PBRM1: variants seen among roughly 807,000 people sequenced by gnomAD.
PBRM1 encodes polybromo 1.
In PBRM1, 27 loss-of-function variants were observed where a neutral mutation model predicts 194.5. That is an observed-to-expected ratio of 0.14 (90% confidence interval 0.10 to 0.19). The LOEUF (loss-of-function observed/expected upper bound fraction) is 0.19. PBRM1 is among the 10% of genes least tolerant of loss of function. PBRM1 has a pLI of 1.00. For synonymous variants in PBRM1, 655 were observed against 693.2 expected, an observed-to-expected ratio of 0.94 and a Z score of 0.87; for missense variants, 1,466 against 2,077.2, an observed-to-expected ratio of 0.71 and a Z score of 5.72.
rs186889552 is a variant in PBRM1, at chr3:52,662,122, T to C, written c.528+11A>G. On this transcript the variant is annotated intron_variant, in intron 4 of 29. Transcript: ENST00000296302. ...GAGCCCATCCATCACAAGTTCCAGC[T>C]ACACACTTACTCCTTCAGTCACTGT... 1,962 of 1,612,840 alleles carry C rather than the reference T, an allele frequency of 1.2e-3. 3 individuals are homozygous for C. Among genetic ancestry groups the C allele is most frequent in the Non-Finnish European group, 1.5e-3 (1,809 of 1,179,586 alleles).
chr3:52,553,656 A>AT (rs1463480873), intron 27 of PBRM1, among the ~76,000 whole-genome samples: 7 of 126,006 alleles, frequency 5.6e-5, no homozygotes, highest in Non-Finnish European at 1.2e-4. Flanking sequence ...CACCTGGCTA[A>AT]TTTTTCCTTT....
At position 52,609,270 on chromosome 3, in the gene PBRM1, A is replaced by C; in HGVS notation, c.2567+43T>G. The C allele has an allele frequency of 6.8e-7, 1 of 1,467,322 alleles. No individual in the cohort carries two copies. Among genetic ancestry groups the C allele is most frequent in the East Asian group, 2.3e-5 (1 of 44,048 alleles). The allele number at this position is 1,467,322 out of a possible 1,614,324, so 90.9% of individuals were successfully genotyped here. The stretch of plus-strand genomic sequence containing the variant: ...ATATTCTTTCATCTGTTTTGTATTA[A>C]ATAGCACATATCCTCAAAATAAAAA... On this transcript the variant is annotated intron_variant, in intron 16 of 29. Coordinates refer to ENST00000296302, the Ensembl canonical transcript of PBRM1. This position sits in a 1 kb window ranked among gnomAD's most constrained non-coding sequence, Gnocchi z 4.1.
intron 17 of PBRM1, among the ~76,000 whole-genome samples, chr3:52,598,684 A>T (rs1471432087): frequency 6.6e-6 from 1 of 152,076 alleles, no homozygotes; most frequent in Non-Finnish European, 1.5e-5. Context: ...AGGAGTTTGA[A>T]ACCAGCCTGG....
intron 16 of PBRM1, among the ~76,000 whole-genome samples, chr3:52,608,366 T>A (rs956994583): frequency 6.6e-6 from 1 of 152,240 alleles, no homozygotes; most frequent in African/African-American, 2.4e-5. Context: ...TTATCTAGAA[T>A]GGCTATCATA....
intron 4 of PBRM1, among the ~76,000 whole-genome samples, chr3:52,661,609 C>T (rs1275299352): frequency 6.6e-6 from 1 of 152,052 alleles, no homozygotes; most frequent in East Asian, 1.9e-4. Flanking sequence ...CAGTAGACAC[C>T]ATTTTAGATG....
At chr3:52,591,681 G>C (rs1288350816) in intron 17 of PBRM1, among the ~76,000 whole-genome samples, 2 of 150,926 alleles carry the variant, frequency 1.3e-5, no homozygotes, top group Non-Finnish European at 3.0e-5. Context: ...CACCATGCCC[G>C]GCTAATTTTT....
chr3:52,588,949 A>G (rs2092741157), intron 18 of PBRM1, 121 bp downstream of exon 20: 1 of 689,458 alleles, frequency 1.5e-6, no homozygotes, highest in Non-Finnish European at 2.6e-6. Flanking sequence ...TTATTGACAT[A>G]TTGAACAATT....
chr3:52,579,589 C>T (rs957883776), intron 20 of PBRM1, among the ~76,000 whole-genome samples: 1 of 151,652 alleles, frequency 6.6e-6, no homozygotes, highest in Non-Finnish European at 1.5e-5. Flanking sequence ...CAGAGCAAGA[C>T]CCTGTCTCAA....
At chr3:52,597,811 C>A (rs921333856) in intron 17 of PBRM1, among the ~76,000 whole-genome samples, 1 of 152,054 alleles carries the variant, frequency 6.6e-6, no homozygotes, top group Non-Finnish European at 1.5e-5. Flanking sequence ...TCAAGCAATT[C>A]TCTTGCCTCA....
intron 17 of PBRM1, among the ~76,000 whole-genome samples, chr3:52,591,746 C>T (rs1265632878): frequency 6.8e-6 from 1 of 147,632 alleles, no homozygotes; most frequent in Admixed American, 6.8e-5. Flanking sequence ...TCTTGAACTT[C>T]TCACCTCGTG....
chr3:52,625,578 T>C (rs61538294), intron 13 of PBRM1, among the ~76,000 whole-genome samples: 10,932 of 150,890 alleles, frequency 0.072, 919 homozygotes, highest in African/African-American at 0.21. Flanking sequence ...TGCTTAACTT[T>C]TTTTTTTTTT....
chr3:52,643,818 A>G (rs1006646282), intron 8 of PBRM1, among the ~76,000 whole-genome samples: 2 of 152,126 alleles, frequency 1.3e-5, no homozygotes, highest in African/African-American at 4.8e-5. Flanking sequence ...AAAAATACAA[A>G]AAGATTAGCC....
chr3:52,608,826 G>A (rs1296945187), intron 16 of PBRM1, among the ~76,000 whole-genome samples: 2 of 151,166 alleles, frequency 1.3e-5, no homozygotes, highest in Admixed American at 1.3e-4. Context: ...TCTTCAGCAA[G>A]CTCTTAAGGT....
At chr3:52,682,574 A>T (rs1485952300), upstream of PBRM1, among the ~76,000 whole-genome samples, 1 of 152,220 alleles carries the variant, frequency 6.6e-6, no homozygotes, top group Admixed American at 6.5e-5. Context: ...ATAATTTTCA[A>T]GTATTTTCTT....
intron 9 of PBRM1, 140 bp downstream of exon 10, chr3:52,643,108 T>A: frequency 1.5e-6 from 1 of 673,316 alleles, no homozygotes; most frequent in Non-Finnish European, 2.7e-6. Context: ...ACCTTTTAAA[T>A]AAACCATTTG....
At chr3:52,560,210 G>GT (rs2083187345) in intron 25 of PBRM1, among the ~76,000 whole-genome samples, 1 of 151,986 alleles carries the variant, frequency 6.6e-6, no homozygotes, top group Non-Finnish European at 1.5e-5. Context: ...GTGTCTTCAG[G>GT]TATCTCTCTC....
intron 13 of PBRM1, 150 bp from the exon 15 acceptor site, chr3:52,625,091 G>T: frequency 1.5e-6 from 1 of 656,300 alleles, no homozygotes; most frequent in Non-Finnish European, 2.7e-6. Context: ...AAGGAAGACA[G>T]ATGTTGGCAG....
exon 4 of PBRM1, chr3:52,662,205 A>C (rs2153926079): frequency 6.2e-7 from 1 of 1,613,944 alleles, no homozygotes; most frequent in Non-Finnish European, 8.5e-7. Context: ...CTCCTTTCTG[A>C]ACAAACTCAT....
intron 16 of PBRM1, among the ~76,000 whole-genome samples, chr3:52,606,646 G>C (rs914391811): frequency 6.6e-6 from 1 of 152,148 alleles, no homozygotes; most frequent in Admixed American, 6.5e-5. Context: ...GAACATAAAC[G>C]CAAGCTGGAA....
Sources: allele counts gnomAD v4.1 joint callset (sites outside exome capture counted in the v4.1 genomes callset), GRCh38; gene constraint gnomAD v4.1.1; non-coding constraint Gnocchi (gnomAD v3.1); transcripts MANE v1.5; gene names NCBI Gene and HGNC (gene_info 2026-07-23, HGNC 2026-07-21).